Variants in NRXN1 observed in about 807,000 individuals in gnomAD.
NRXN1 encodes the protein neurexin 1.
NRXN1 carries 39 observed loss-of-function variants against 150.9 expected under a neutral mutation model. The ratio of observed to expected loss-of-function variants is 0.26; its 90% CI spans 0.20 to 0.34. The LOEUF is 0.34. Among genes scored for constraint, NRXN1 ranks in the 10% least tolerant of loss-of-function variants. The pLI is 1.00. For missense variants in NRXN1, 1,815 were observed against 1,949.9 expected, an observed-to-expected ratio of 0.93 and a Z score of 1.30; for synonymous variants, 924 against 757.0, an observed-to-expected ratio of 1.22 and a Z score of -3.62.
At chr2:50,484,217 C>T in intron 15 of NRXN1, among the ~76,000 whole-genome samples, 1 of 152,188 alleles carries the variant, frequency 6.6e-6, no homozygotes, top group Middle Eastern at 3.2e-3. Flanking sequence ...TTATGAGCTT[C>T]CTGGAGTCAA....
chr2:50,683,363 T>C (rs1690696201), intron 5 of NRXN1, among the ~76,000 whole-genome samples: 2 of 151,408 alleles, frequency 1.3e-5, no homozygotes, highest in African/African-American at 4.9e-5. Flanking sequence ...CCAGGCGCAG[T>C]GGCTTAAGCC....
intron 8 of NRXN1, among the ~76,000 whole-genome samples, chr2:50,604,270 T>C (rs1676742201): frequency 6.6e-6 from 1 of 152,160 alleles, no homozygotes; most frequent in South Asian, 2.1e-4. Context: ...TGTATCACCT[T>C]ATATTTCTGT....
At chr2:50,508,733 A>G (rs1382034571) in intron 12 of NRXN1, among the ~76,000 whole-genome samples, 1 of 152,208 alleles carries the variant, frequency 6.6e-6, no homozygotes, top group Non-Finnish European at 1.5e-5. Context: ...TAATCTATGC[A>G]ACAACTATTT....
At chr2:50,334,101 C>A (rs1483245665) in intron 17 of NRXN1, among the ~76,000 whole-genome samples, 4 of 151,188 alleles carry the variant, frequency 2.6e-5, no homozygotes, top group African/African-American at 9.8e-5. Context: ...TGGCAACTCC[C>A]AGCCAATGTC....
rs557331240 is a variant in NRXN1 at position 49,997,851 on chromosome 2, C to T, written c.4129-54060G>A. On this transcript the variant is annotated intron_variant, in intron 21 of 22. Coordinates refer to ENST00000401669, the MANE Select transcript of NRXN1 (RefSeq NM_001330078.2). Reference sequence around the variant, plus strand: ...TGGGAATCTGAGGAAGCTGGGCCGCCGGGGTGCAAGGGAGACTTCACATAG... The same window carrying T: ...TGGGAATCTGAGGAAGCTGGGCCGCTGGGGTGCAAGGGAGACTTCACATAG... Among the ~76,000 whole-genome samples, 27 of 152,102 alleles carry T rather than the reference C, an allele frequency of 1.8e-4. No homozygotes were observed. The East Asian group carries it at 3.3e-3, about 19-fold the overall frequency.
At chr2:50,344,779 T>G (rs2152995783) in intron 17 of NRXN1, among the ~76,000 whole-genome samples, 1 of 152,276 alleles carries the variant, frequency 6.6e-6, no homozygotes, top group Admixed American at 6.5e-5. Context: ...CCCAGCAGCC[T>G]TATCCCTCTG....
chr2:50,542,929 C>T (rs764557970), intron 9 of NRXN1, among the ~76,000 whole-genome samples: 5 of 151,998 alleles, frequency 3.3e-5, no homozygotes, highest in Non-Finnish European at 5.9e-5. Context: ...TATTAAGGTT[C>T]CCGTGTGCTT....
At chr2:50,374,978 T>C (rs1267302445) in intron 17 of NRXN1, among the ~76,000 whole-genome samples, 3 of 152,140 alleles carry the variant, frequency 2.0e-5, no homozygotes, top group African/African-American at 4.8e-5. Flanking sequence ...AGTTACTAAA[T>C]GGATCAAAAG....
At chr2:50,682,318 C>T (rs1690525279) in intron 5 of NRXN1, among the ~76,000 whole-genome samples, 2 of 152,194 alleles carry the variant, frequency 1.3e-5, no homozygotes, top group South Asian at 4.1e-4. Flanking sequence ...AAACCTTAGC[C>T]CATTTACATA....
chr2:50,961,220 T>A (rs1221108569), intron 2 of NRXN1, among the ~76,000 whole-genome samples: 1 of 151,922 alleles, frequency 6.6e-6, no homozygotes, highest in African/African-American at 2.4e-5. Context: ...CATTTACACA[T>A]AAGTACATGA....
At chr2:50,208,423 T>G (rs2062771248) in intron 18 of NRXN1, among the ~76,000 whole-genome samples, 1 of 152,118 alleles carries the variant, frequency 6.6e-6, no homozygotes, top group Non-Finnish European at 1.5e-5. Context: ...ACAGTTCCGG[T>G]CTCCCTCCTC....
intron 18 of NRXN1, among the ~76,000 whole-genome samples, chr2:50,226,654 G>T (rs1351595400): frequency 6.6e-6 from 1 of 151,938 alleles, no homozygotes; most frequent in East Asian, 1.9e-4. Context: ...TCCAGCTAAG[G>T]AAGTTGGCCT....
intron 18 of NRXN1, among the ~76,000 whole-genome samples, chr2:50,108,763 G>C (rs6755305): frequency 0.32 from 49,086 of 151,886 alleles, 8,376 homozygotes; most frequent in Non-Finnish European, 0.37. Flanking sequence ...TCCCAATGAA[G>C]TAAAACAGTT....
intron 20 of NRXN1, among the ~76,000 whole-genome samples, chr2:50,054,055 A>C (rs1363750164): frequency 6.6e-6 from 1 of 152,328 alleles, no homozygotes; most frequent in African/African-American, 2.4e-5. Flanking sequence ...GTCCACATAT[A>C]TCTATATGTT....
intron 22 of NRXN1, among the ~76,000 whole-genome samples, chr2:49,942,318 G>A (rs1672123258): frequency 6.6e-6 from 1 of 152,116 alleles, no homozygotes; most frequent in Non-Finnish European, 1.5e-5. Context: ...CCCCCTCCCT[G>A]GCACTCAGCA....
chr2:50,146,984 T>C (rs1327855341), intron 18 of NRXN1, among the ~76,000 whole-genome samples: 4 of 151,766 alleles, frequency 2.6e-5, no homozygotes, highest in Non-Finnish European at 4.4e-5. Context: ...TTTTAGACCC[T>C]ACATAAATAA....
intron 17 of NRXN1, among the ~76,000 whole-genome samples, chr2:50,369,169 T>C (rs1456324940): frequency 6.6e-6 from 1 of 151,878 alleles, no homozygotes; most frequent in Non-Finnish European, 1.5e-5. Context: ...CATTCATATG[T>C]CTAGCTCAGA....
chr2:50,116,116 A>G (rs1159462935), intron 18 of NRXN1, among the ~76,000 whole-genome samples: 1 of 152,010 alleles, frequency 6.6e-6, no homozygotes, highest in African/African-American at 2.4e-5. Flanking sequence ...AAAACATGGC[A>G]GGCTGAAGGA....
At chr2:50,624,336 T>G (rs1486445083) in intron 5 of NRXN1, among the ~76,000 whole-genome samples, 1 of 152,104 alleles carries the variant, frequency 6.6e-6, no homozygotes. Context: ...AGTAGTTCTG[T>G]GATATCTCCA....
Sources: gnomAD v4.1 joint callset for allele counts (sites outside exome capture counted in the v4.1 genomes callset) on GRCh38, gnomAD v4.1.1 for gene constraint, MANE v1.5 for transcripts, NCBI Gene and HGNC (gene_info 2026-07-23, HGNC 2026-07-21) for gene names.